TXNL1: variants seen among roughly 807,000 people sequenced by gnomAD.
The protein encoded by TXNL1 is thioredoxin like 1, also known as thioredoxin-like protein 1.
Under a neutral mutation model 35.5 loss-of-function variants are expected in TXNL1, and 14 were observed. The ratio of observed to expected loss-of-function variants is 0.39; its 90% CI spans 0.26 to 0.62. TXNL1 has a LOEUF of 0.62. Among genes scored for constraint, TXNL1 ranks in the 20% least tolerant of loss-of-function variants. The pLI is 0.47. For missense variants in TXNL1, 263 were observed against 349.7 expected (o/e 0.75, Z 1.98); for synonymous variants, 110 against 115.5 (o/e 0.95, Z 0.31).
intron 5 of TXNL1, among the ~76,000 whole-genome samples, chr18:56,615,530 C>A (rs1392636534): frequency 6.6e-6 from 1 of 151,112 alleles, no homozygotes; most frequent in African/African-American, 2.4e-5. Context: ...TAAGTCTGCA[C>A]AATCATATTT....
chr18:56,610,097 T>C (rs370018845), intron 7 of TXNL1: 3 of 152,332 alleles, frequency 2.0e-5, no homozygotes, highest in African/African-American at 4.8e-5. Context: ...CAAGGGTCTC[T>C]TGGGAGCCTC....
In TXNL1 at chr18:56,597,379, T is replaced by A. The variant is rs1352594826; in HGVS notation, c.*5648A>T. 6.6e-6 allele frequency: 1 copy of A among 152,250 alleles called. No homozygotes were observed. The highest frequency in any genetic ancestry group is 1.5e-5 in the Non-Finnish European group (1 of 68,042). The allele number at this position is 152,250 out of a possible 1,614,324, so 9.4% of individuals were successfully genotyped here. On this transcript the variant is annotated 3_prime_UTR_variant, in exon 8 of 8. Coordinates refer to ENST00000217515, the MANE Select transcript of TXNL1 (RefSeq NM_004786.3). ...AGAGGGTTTTGGAATAATTATCTGC[T>A]GATGCTTCAACTGAAAGTTTATTAA...
chr18:56,614,493 C>G lies in TXNL1; in HGVS notation c.666G>C (p.Glu222Asp). 1 of 1,613,968 alleles carries G rather than the reference C, an allele frequency of 6.2e-7. No individual in the cohort carries two copies. ...CAATGCCATCTTCTTTAATATCATC[C>G]TCTGTCAGTTCCAGAGCTTGAGTTG... ...SEPTQALELT[E>D]DDIKEDGIVP... is the part of the protein sequence containing the mutation. Residue 222 changes from glutamate to aspartate, a missense_variant, in exon 6 of 8, where the codon GAG (glutamate) becomes GAC (aspartate). Glu to Asp is a conservative substitution (Grantham distance 45). Coordinates refer to ENST00000217515, the MANE Select transcript of TXNL1 (RefSeq NM_004786.3).
At chr18:56,603,623 G>A (rs552649666) in intron 7 of TXNL1, among the ~76,000 whole-genome samples, 276 of 152,150 alleles carry the variant, frequency 1.8e-3, no homozygotes, top group African/African-American at 6.3e-3. Context: ...TTCTGTCAAT[G>A]ATTAGAAAAA....
rs1326587461 is a variant in TXNL1, at chr18:56,601,949, T to G, written c.*1078A>C. ...TCATTTTCAACCTTAAATCATGTTC[T>G]CTGTATATTTACACTGCACGTTTTG... On this transcript the variant is annotated 3_prime_UTR_variant, in exon 8 of 8. Transcript: ENST00000217515. The G allele has an allele frequency of 1.3e-5, 2 of 152,238 alleles. No individual in the cohort carries two copies. The highest frequency in any genetic ancestry group is 4.8e-5 in the African/African-American group (2 of 41,454). 9.4% of individuals were successfully genotyped at this position (152,238 alleles called of 1,614,324 possible). A position where few individuals can be genotyped will look rare whatever the true frequency, so the allele number is the denominator to read the frequency against.
chr18:56,603,547 C>G (rs1372507384), intron 7 of TXNL1, among the ~76,000 whole-genome samples: 1 of 151,928 alleles, frequency 6.6e-6, no homozygotes, highest in East Asian at 1.9e-4. Context: ...CTAATTTTTT[C>G]TGGTTTAAGA....
intron 7 of TXNL1, among the ~76,000 whole-genome samples, chr18:56,607,537 G>A (rs922569192): frequency 1.4e-4 from 21 of 151,908 alleles, no homozygotes; most frequent in Admixed American, 9.2e-4. Context: ...GATGCTCCTC[G>A]ACTTCCGATG....
chr18:56,621,257 T>G (rs1358516319), intron 3 of TXNL1, among the ~76,000 whole-genome samples: 4 of 151,036 alleles, frequency 2.6e-5, no homozygotes, highest in African/African-American at 9.8e-5. Context: ...CAGGCTGGAG[T>G]TGCAGTGGCG....
intron 3 of TXNL1, among the ~76,000 whole-genome samples, 166 bp downstream of exon 3, chr18:56,624,122 T>C (rs1313891710): frequency 1.3e-5 from 2 of 152,138 alleles, no homozygotes; most frequent in Non-Finnish European, 2.9e-5. Context: ...AACGTACACA[T>C]ACAGACAAAA....
At chr18:56,631,889 T>C (rs2024377144) in intron 1 of TXNL1, among the ~76,000 whole-genome samples, 1 of 142,876 alleles carries the variant, frequency 7.0e-6, no homozygotes, top group Non-Finnish European at 1.5e-5. Flanking sequence ...CATTGAACTC[T>C]AGCCTAGGCA....
chr18:56,623,331 G>A (rs1483567144), intron 3 of TXNL1, among the ~76,000 whole-genome samples: 1 of 151,858 alleles, frequency 6.6e-6, no homozygotes, highest in East Asian at 1.9e-4. Flanking sequence ...GGGAGGCTGA[G>A]GCAGGAGAAT....
intron 1 of TXNL1, among the ~76,000 whole-genome samples, chr18:56,633,494 C>T (rs1036586336): frequency 6.7e-5 from 10 of 149,326 alleles, no homozygotes; most frequent in Admixed American, 6.7e-4. Flanking sequence ...TGGTGCGTGC[C>T]TGTAGTTCCG....
At chr18:56,617,860 G>A (rs1486323594) in intron 4 of TXNL1, 144 bp downstream of exon 4, 7 of 1,153,136 alleles carry the variant, frequency 6.1e-6, no homozygotes, top group East Asian at 2.4e-5. Context: ...AAAAACAAAA[G>A]TCAAAGAAAC....
At position 56,601,565 on chromosome 18, in the gene TXNL1, T is replaced by A. The variant is rs1373693876; in HGVS notation, c.*1462A>T. 1.3e-5 allele frequency: 2 copies of A among 152,204 alleles called. No individual in the cohort carries two copies. The highest frequency in any genetic ancestry group is 1.3e-4 in the Admixed American group (2 of 15,274). The allele number at this position is 152,204 out of a possible 1,614,324, so 9.4% of individuals were successfully genotyped here. ...AGTGTTAAGATCATCACAGACCAGTTAATGTGCCCATATACAAATGAACTA... is the reference window on the plus strand; with the variant it reads ...AGTGTTAAGATCATCACAGACCAGTAAATGTGCCCATATACAAATGAACTA... On this transcript the variant is annotated 3_prime_UTR_variant, in exon 8 of 8. Transcript: ENST00000217515.
In TXNL1 at chr18:56,611,028, G is replaced by C; in HGVS notation, c.805C>G (p.Pro269Ala). Residue 269 changes from proline to alanine, a missense_variant, in exon 7 of 8, where the codon CCA becomes GCA. Transcript: ENST00000217515. ...TCATTCATATTTGTTGCCTGGACTGGAGTACCAATAAAAGTAAAATATGAA... is the reference window on the plus strand; with the variant it reads ...TCATTCATATTTGTTGCCTGGACTGCAGTACCAATAAAAGTAAAATATGAA... ...RISYFTFIGT[P>A]VQATNMNDFK... 6.2e-7 allele frequency: 1 copy of C among 1,607,888 alleles called. No homozygotes were observed. Among genetic ancestry groups the C allele is most frequent in the Non-Finnish European group, 8.5e-7 (1 of 1,177,804 alleles).
intron 7 of TXNL1, 141 bp downstream of exon 7, chr18:56,610,852 T>C (rs1351001968): frequency 7.5e-6 from 4 of 533,276 alleles, no homozygotes; most frequent in South Asian, 2.8e-5. Context: ...CTTTCTATCC[T>C]AGTTTAGCCT....
At chr18:56,637,128 G>A (rs570815684) in intron 1 of TXNL1, among the ~76,000 whole-genome samples, 4 of 152,270 alleles carry the variant, frequency 2.6e-5, no homozygotes, top group African/African-American at 7.2e-5. Context: ...CAGTGTAAGA[G>A]AGACTGGTCC....
chr18:56,625,353 C>T (rs1478877367), intron 2 of TXNL1, among the ~76,000 whole-genome samples: 1 of 152,054 alleles, frequency 6.6e-6, no homozygotes, highest in East Asian at 1.9e-4. Context: ...TTTAATATTA[C>T]AGGAAATCTA....
intron 1 of TXNL1, among the ~76,000 whole-genome samples, chr18:56,636,120 TTA>T (rs151044878): frequency 0.017 from 2,591 of 152,274 alleles, 58 homozygotes; most frequent in East Asian, 0.077. Flanking sequence ...CAATTTTATG[TTA>T]TATATATTTT....
Sources: gnomAD v4.1 joint callset for allele counts (sites outside exome capture counted in the v4.1 genomes callset) on GRCh38, gnomAD v4.1.1 for gene constraint, MANE v1.5 for transcripts, NCBI Gene and HGNC (gene_info 2026-07-23, HGNC 2026-07-21) for gene names.